Variants in RANGAP1 observed in about 807,000 individuals in gnomAD.
RANGAP1 encodes the protein ran GTPase-activating protein 1.
Under a neutral mutation model 63.5 loss-of-function variants are expected in RANGAP1, and 38 were observed. The ratio of observed to expected loss-of-function variants is 0.60; its 90% CI spans 0.46 to 0.78. The LOEUF is 0.78. Among genes scored for constraint, RANGAP1 ranks in the 30% least tolerant of loss-of-function variants. The pLI, the probability that RANGAP1 is intolerant of heterozygous loss-of-function variation, is 0.00. For synonymous variants in RANGAP1, 329 were observed against 310.5 expected (o/e 1.06, Z -0.63); for missense variants, 630 against 740.3 (o/e 0.85, Z 1.73).
At position 41,257,814 on chromosome 22, in the gene RANGAP1, G is replaced by A. The variant is rs1441320507; in HGVS notation, c.774+134C>T. 6.3e-6 allele frequency: 7 copies of A among 1,105,898 alleles called. No individual in the cohort carries two copies. The African/African-American group carries it at 8.0e-5, about 13-fold the overall frequency. 68.5% of individuals were successfully genotyped at this position (1,105,898 alleles called of 1,614,324 possible). On this transcript the variant is annotated intron_variant, in intron 7 of 15. Transcript: ENST00000356244. This position sits in a 1 kb window ranked among gnomAD's most constrained non-coding sequence, Gnocchi z 4.0. The stretch of plus-strand genomic sequence containing the variant: ...TTCAGGACATGTTCAAAGAGCTGGA[G>A]CCATGGGGCACACACCCAGGGGGCA...
chr22:41,284,125 T>C (rs566707522), intron 1 of RANGAP1, among the ~76,000 whole-genome samples: 2 of 152,094 alleles, frequency 1.3e-5, no homozygotes, highest in African/African-American at 4.8e-5. Context: ...CGGGGGCCTG[T>C]AGTCCCAGCT....
Position 41,257,812 on chromosome 22 carries a change from G to A in RANGAP1, c.774+136C>T, listed in dbSNP as rs2033931686. ...TGTTCAGGACATGTTCAAAGAGCTG[G>A]AGCCATGGGGCACACACCCAGGGGG... On this transcript the variant is annotated intron_variant, in intron 7 of 15. Coordinates refer to ENST00000356244, the MANE Select transcript of RANGAP1 (RefSeq NM_002883.4). This position sits in a 1 kb window ranked among gnomAD's most constrained non-coding sequence, Gnocchi z 4.0. The A allele has an allele frequency of 1.4e-5, 15 of 1,092,612 alleles. 1 individual carries two copies. In the South Asian group the frequency reaches 2.1e-4, roughly 15 times the overall value. 67.7% of individuals were successfully genotyped at this position (1,092,612 alleles called of 1,614,324 possible).
intron 3 of RANGAP1, among the ~76,000 whole-genome samples, chr22:41,271,396 C>A (rs6002307): frequency 0.76 from 101,786 of 133,342 alleles, 38,519 homozygotes; most frequent in Admixed American, 0.8. Context: ...TAAAAAAAAA[C>A]AAAAAAAAAA....
intron 3 of RANGAP1, among the ~76,000 whole-genome samples, chr22:41,270,533 G>C (rs748855646): frequency 6.6e-6 from 1 of 152,006 alleles, no homozygotes; most frequent in East Asian, 1.9e-4. Context: ...CTGCAGCCTC[G>C]ACCTCCCAGG....
At chr22:41,272,076 G>C (rs1209714088) in intron 3 of RANGAP1, among the ~76,000 whole-genome samples, 2 of 152,240 alleles carry the variant, frequency 1.3e-5, no homozygotes, top group African/African-American at 4.8e-5. Context: ...TAAGAGCCCA[G>C]CCTCAGAGCT....
chr22:41,254,769 G>C (rs545774740), intron 10 of RANGAP1: 1 of 416,102 alleles, frequency 2.4e-6, no homozygotes, highest in East Asian at 1.6e-4. Flanking sequence ...TCAGGAGATC[G>C]AGACCATCCT....
chr22:41,299,706 T>C, the RANGAP1 span, among the ~76,000 whole-genome samples: 1 of 152,308 alleles, frequency 6.6e-6, no homozygotes, highest in South Asian at 2.1e-4. Flanking sequence ...ACTGACAACA[T>C]GGGGCTTCCC....
Position 41,257,821 on chromosome 22 carries a change from G to T in RANGAP1, c.774+127C>A, listed in dbSNP as rs1259107600. 3.4e-6 allele frequency: 4 copies of T among 1,174,136 alleles called. No individual in the cohort carries two copies. Among genetic ancestry groups the T allele is most frequent in the Non-Finnish European group, 4.7e-6 (4 of 859,800 alleles). The allele number at this position is 1,174,136 out of a possible 1,614,324, so 72.7% of individuals were successfully genotyped here. Reference sequence around the variant, plus strand: ...CATGTTCAAAGAGCTGGAGCCATGGGGCACACACCCAGGGGGCAGGCAGGG... The same window carrying T: ...CATGTTCAAAGAGCTGGAGCCATGGTGCACACACCCAGGGGGCAGGCAGGG... On this transcript the variant is annotated intron_variant, in intron 7 of 15. Transcript: ENST00000356244. This position sits in a 1 kb window ranked among gnomAD's most constrained non-coding sequence, Gnocchi z 4.0.
In RANGAP1 at chr22:41,258,076, G is replaced by T. The variant is rs773051597; in HGVS notation, c.646C>A (p.Pro216Thr). The change falls in exon 7 of 16, where the codon CCA becomes ACA. Residue 216 changes from proline to threonine, a missense_variant. Pro to Thr is a conservative substitution (Grantham distance 38, BLOSUM62 -1). This residue lies in a region of RANGAP1 where 428 missense variants were observed against 465.5 expected (regional missense o/e 0.92). Coordinates refer to ENST00000356244, the MANE Select transcript of RANGAP1 (RefSeq NM_002883.4). ...CCAGGGTGGTTGATCCCATTCTGTG[G>T]CATGTGGACCTCCTCCAGGGTCCCG... ...VIGTLEEVHM[P>T]QNGINHPGIT... 3.8e-5 allele frequency: 62 copies of T among 1,612,494 alleles called. No homozygotes were observed. The highest frequency in any genetic ancestry group is 4.7e-5 in the Non-Finnish European group (56 of 1,179,050).
intron 10 of RANGAP1, among the ~76,000 whole-genome samples, chr22:41,255,589 C>T (rs561219045): frequency 1.8e-3 from 270 of 150,034 alleles, no homozygotes; most frequent in African/African-American, 6.3e-3. Flanking sequence ...CTGGCCTCAC[C>T]CCTTCAGAGG....
At chr22:41,270,925 T>G (rs1419479711) in intron 3 of RANGAP1, among the ~76,000 whole-genome samples, 1 of 139,726 alleles carries the variant, frequency 7.2e-6, no homozygotes. Flanking sequence ...TCCCCAAACC[T>G]AACTCTAATG....
Position 41,254,395 on chromosome 22 carries a change from CTCCTCTTCT to C in RANGAP1, c.1164_1172del (p.Glu395_Glu397del), listed in dbSNP as rs747622654. 1 of 1,613,656 alleles carries C rather than the reference CTCCTCTTCT, an allele frequency of 6.2e-7. No individual in the cohort carries two copies. Among genetic ancestry groups the C allele is most frequent in the African/African-American group, 1.3e-5 (1 of 74,878 alleles). ...GCTGAGGCTCTTCTTCCTCCTCCTC[CTCCTCTTCT>C]TCCTCCTCTTCCTCATCTTCCTCCT... On this transcript the variant is annotated inframe_deletion, in exon 11 of 16. Transcript: ENST00000356244.
intron 4 of RANGAP1, among the ~76,000 whole-genome samples, chr22:41,265,975 G>T (rs1569192045): frequency 6.6e-6 from 1 of 151,850 alleles, no homozygotes; most frequent in Non-Finnish European, 1.5e-5. Flanking sequence ...GGCCAAGGTG[G>T]GCGGATCACG....
chr22:41,254,971 C>T (rs1168446633), intron 10 of RANGAP1, among the ~76,000 whole-genome samples: 1 of 144,824 alleles, frequency 6.9e-6, no homozygotes, highest in Admixed American at 7.6e-5. Context: ...GACTCCATCC[C>T]CCACAAAAAA....
the RANGAP1 span, among the ~76,000 whole-genome samples, chr22:41,291,407 C>T: frequency 6.6e-6 from 1 of 151,186 alleles, no homozygotes; most frequent in African/African-American, 2.4e-5. Flanking sequence ...ACCAGCCTGA[C>T]CAATATGGTG....
At chr22:41,266,342 T>C (rs1234599065) in intron 4 of RANGAP1, among the ~76,000 whole-genome samples, 2 of 152,112 alleles carry the variant, frequency 1.3e-5, no homozygotes, top group East Asian at 1.9e-4. Context: ...ATTCTCACGA[T>C]TGGGAACATA....
At chr22:41,291,296 CTT>C in the RANGAP1 span, among the ~76,000 whole-genome samples, 3 of 152,134 alleles carry the variant, frequency 2.0e-5, no homozygotes, top group African/African-American at 4.8e-5. Context: ...ATTATCTTCT[CTT>C]TTAATAATTC....
chr22:41,278,535 T>C (rs1236333789), intron 2 of RANGAP1, among the ~76,000 whole-genome samples: 1 of 152,234 alleles, frequency 6.6e-6, no homozygotes, highest in African/African-American at 2.4e-5. Context: ...ATAAATGGCA[T>C]TTGCCATCAA....
chr22:41,271,247 G>A (rs2034800162), intron 3 of RANGAP1, among the ~76,000 whole-genome samples: 1 of 151,674 alleles, frequency 6.6e-6, no homozygotes. Flanking sequence ...AAAATTAGCT[G>A]GGCATTGTGG....
Sources: gnomAD v4.1 joint callset for allele counts (sites outside exome capture counted in the v4.1 genomes callset) on GRCh38, gnomAD v4.1.1 for gene constraint, gnomAD v4.1.1 regional missense constraint, Gnocchi (gnomAD v3.1) non-coding constraint, MANE v1.5 for transcripts, NCBI Gene and HGNC (gene_info 2026-07-23, HGNC 2026-07-21) for gene names.